The following PTPN1 variants were observed in gnomAD, a reference collection of about 807,000 sequenced individuals.
PTPN1 encodes the protein tyrosine-protein phosphatase non-receptor type 1.
In PTPN1, 12 loss-of-function variants were observed where a neutral mutation model predicts 59.9. That is an observed-to-expected ratio of 0.20 (90% CI 0.13 to 0.32). PTPN1 has a LOEUF of 0.32. Among genes scored for constraint, PTPN1 ranks in the 10% least tolerant of loss-of-function variants. The probability of loss-of-function intolerance (pLI) is 1.00; values close to 1 mark genes in which losing one functional copy is unlikely to be tolerated. For missense variants in PTPN1, 356 were observed against 549.2 expected (o/e 0.65, Z 3.52); for synonymous variants, 178 against 203.6 (o/e 0.87, Z 1.07).
At chr20:50,531,501 T>G (rs2082600917) in intron 1 of PTPN1, among the ~76,000 whole-genome samples, 1 of 152,106 alleles carries the variant, frequency 6.6e-6, no homozygotes, top group Admixed American at 6.5e-5. Flanking sequence ...CTCAGCCTCC[T>G]TAGTAGCTGG....
At chr20:50,577,429 C>G (rs932348270) in intron 5 of PTPN1, 5 of 152,254 alleles carry the variant, frequency 3.3e-5, no homozygotes, top group Non-Finnish European at 5.9e-5. Context: ...CTGTGGCTGT[C>G]TTCCCGGGCC....
At chr20:50,510,746 C>A (rs902597660) in intron 1 of PTPN1, among the ~76,000 whole-genome samples, 156 bp downstream of exon 1, 17 of 151,204 alleles carry the variant, frequency 1.1e-4, no homozygotes, top group Non-Finnish European at 2.4e-4. Flanking sequence ...CGTCCCCCCA[C>A]CCTTTGTCCC....
At chr20:50,512,754 A>G (rs548714764) in intron 1 of PTPN1, among the ~76,000 whole-genome samples, 1 of 152,222 alleles carries the variant, frequency 6.6e-6, no homozygotes, top group African/African-American at 2.4e-5. Flanking sequence ...TTTCTGAAAC[A>G]GAGTTCAGAT....
At chr20:50,543,822 T>G (rs1401432170) in intron 1 of PTPN1, among the ~76,000 whole-genome samples, 1 of 152,166 alleles carries the variant, frequency 6.6e-6, no homozygotes, top group Non-Finnish European at 1.5e-5. Flanking sequence ...GTCAATAGGT[T>G]GGAATACATA....
intron 7 of PTPN1, among the ~76,000 whole-genome samples, 180 bp from the exon 8 acceptor site, chr20:50,579,523 G>A (rs1332086292): frequency 2.0e-5 from 3 of 152,252 alleles, no homozygotes; most frequent in Non-Finnish European, 4.4e-5. Context: ...CTCACATAGA[G>A]AGCATTGATA....
chr20:50,518,788 G>A (rs1434632627), intron 1 of PTPN1, among the ~76,000 whole-genome samples: 1 of 152,174 alleles, frequency 6.6e-6, no homozygotes, highest in Non-Finnish European at 1.5e-5. Flanking sequence ...GAGGTGGGGT[G>A]AGGCAGAATG....
chr20:50,561,308 C>T (rs1303124207), intron 1 of PTPN1, 55 bp from the exon 2 acceptor site: 13 of 1,317,588 alleles, frequency 9.9e-6, no homozygotes, highest in Admixed American at 2.0e-5. Context: ...TGTTTCTTTG[C>T]TGGGTCTTCC....
intron 1 of PTPN1, among the ~76,000 whole-genome samples, chr20:50,539,848 A>G (rs2082642016): frequency 1.3e-5 from 2 of 151,904 alleles, no homozygotes; most frequent in African/African-American, 2.4e-5. Flanking sequence ...TTCTCCCTCA[A>G]AAATCCATGT....
chr20:50,552,704 T>C (rs1395499379), intron 1 of PTPN1, among the ~76,000 whole-genome samples: 2 of 131,732 alleles, frequency 1.5e-5, no homozygotes, highest in African/African-American at 5.8e-5. Context: ...TTTTTTTTTT[T>C]AACTAGCCAG....
intron 1 of PTPN1, among the ~76,000 whole-genome samples, chr20:50,517,498 A>G (rs2082533973): frequency 1.3e-5 from 2 of 152,188 alleles, no homozygotes; most frequent in Non-Finnish European, 1.5e-5. Flanking sequence ...GGCTTAAGCC[A>G]TCTGTCTGCC....
intron 1 of PTPN1, among the ~76,000 whole-genome samples, chr20:50,559,557 C>G (rs1020440261): frequency 6.6e-6 from 1 of 152,126 alleles, no homozygotes; most frequent in Non-Finnish European, 1.5e-5. Context: ...ATGAAGAGTA[C>G]TGGATGGGTC....
At chr20:50,551,384 T>C (rs1002053765) in intron 1 of PTPN1, among the ~76,000 whole-genome samples, 2 of 152,236 alleles carry the variant, frequency 1.3e-5, no homozygotes, top group Non-Finnish European at 2.9e-5. Flanking sequence ...ATCATAACTT[T>C]GGAAGGACTT....
At position 50,522,333 on chromosome 20, in the gene PTPN1, G is replaced by A. The variant is rs563966813; in HGVS notation, c.63+11743G>A. On this transcript the variant is annotated intron_variant, in intron 1 of 9. Coordinates refer to ENST00000371621, the MANE Select transcript of PTPN1 (RefSeq NM_002827.4). ...AAGTTACATTGGGTGGGCCTAATGG[G>A]GGCTGATAAAAGAATGAGGTGACCA... 3.3e-5 allele frequency among the ~76,000 whole-genome samples: 5 copies of A among 152,244 alleles called. No homozygotes were observed. In the South Asian group the frequency reaches 8.3e-4, roughly 25 times the overall value.
chr20:50,540,687 T>A (rs2082648187), intron 1 of PTPN1, among the ~76,000 whole-genome samples: 1 of 152,196 alleles, frequency 6.6e-6, no homozygotes, highest in Admixed American at 6.5e-5. Context: ...GGAAATAAGC[T>A]GCTACCGTCC....
chr20:50,517,807 T>C (rs2082535382), intron 1 of PTPN1, among the ~76,000 whole-genome samples: 1 of 152,208 alleles, frequency 6.6e-6, no homozygotes. Context: ...AAATCCTTCT[T>C]GAGGATTAAC....
In PTPN1 at chr20:50,510,597, G is replaced by A. The variant is rs990668467; in HGVS notation, c.63+7G>A. 3.2e-6 allele frequency: 5 copies of A among 1,548,766 alleles called. No homozygotes were observed. In the Admixed American group the frequency reaches 9.9e-5, roughly 31 times the overall value. On this transcript the variant is annotated splice_region_variant and intron_variant, in intron 1 of 9. Transcript: ENST00000371621. ...CTGGGCGGCCATTTACCAGGTGCGGGAGCGCCCCGGAGCGTGGCGGGCCCT... is the reference window on the plus strand; with the variant it reads ...CTGGGCGGCCATTTACCAGGTGCGGAAGCGCCCCGGAGCGTGGCGGGCCCT...
At chr20:50,552,631 C>T (rs572335584) in intron 1 of PTPN1, among the ~76,000 whole-genome samples, 1 of 151,790 alleles carries the variant, frequency 6.6e-6, no homozygotes, top group African/African-American at 2.4e-5. Flanking sequence ...GAGTTTGAGA[C>T]CAGCCTCAAA....
At chr20:50,549,096 T>G (rs991272476) in intron 1 of PTPN1, among the ~76,000 whole-genome samples, 1 of 152,236 alleles carries the variant, frequency 6.6e-6, no homozygotes, top group Admixed American at 6.5e-5. Flanking sequence ...CTAGTTGATT[T>G]GTTGGTTATC....
intron 1 of PTPN1, among the ~76,000 whole-genome samples, chr20:50,527,746 A>C (rs13041704): frequency 0.37 from 55,964 of 152,016 alleles, 10,229 homozygotes; most frequent in Admixed American, 0.39. Flanking sequence ...AGTGTGGTAG[A>C]CCTGTATTTG....
Sources: allele counts gnomAD v4.1 joint callset (sites outside exome capture counted in the v4.1 genomes callset), GRCh38; gene constraint gnomAD v4.1.1; transcripts MANE v1.5; gene names NCBI Gene and HGNC (gene_info 2026-07-23, HGNC 2026-07-21).